Variants in MRC1 observed in about 807,000 individuals in gnomAD.
The protein encoded by MRC1 is mannose receptor C-type 1, also known as macrophage mannose receptor 1.
In MRC1, 62 loss-of-function variants were observed where a neutral mutation model predicts 102.9. That is an observed-to-expected ratio of 0.60 (90% CI 0.49 to 0.74). MRC1 has a LOEUF of 0.74. MRC1 is among the 30% of genes least tolerant of loss of function. The probability of loss-of-function intolerance (pLI) is 0.00; values close to 1 mark genes in which losing one functional copy is unlikely to be tolerated. For missense variants in MRC1, 1,237 were observed against 862.8 expected, an observed-to-expected ratio of 1.43 and a Z score of -5.43; for synonymous variants, 457 against 298.4, an observed-to-expected ratio of 1.53 and a Z score of -5.48.
At chr10:17,850,802 A>G (rs1383390932) in intron 7 of MRC1, among the ~76,000 whole-genome samples, 3 of 152,120 alleles carry the variant, frequency 2.0e-5, no homozygotes, top group Admixed American at 2.0e-4. Context: ...TAACAAATAG[A>G]TGAGAAACAA....
intron 12 of MRC1, among the ~76,000 whole-genome samples, chr10:17,869,293 G>A (rs1397824415): frequency 2.0e-5 from 3 of 152,110 alleles, no homozygotes; most frequent in African/African-American, 7.2e-5. Context: ...GCAAGTTGAG[G>A]CATCATAGGA....
rs1833622582 is a variant in MRC1, at chr10:17,887,886, T to G, written c.3147+2451T>G. 3.9e-5 allele frequency among the ~76,000 whole-genome samples: 6 copies of G among 152,330 alleles called. No individual in the cohort carries two copies. In the South Asian group the frequency reaches 1.0e-3, roughly 26 times the overall value. On this transcript the variant is annotated intron_variant, in intron 22 of 29. Coordinates refer to ENST00000569591, the MANE Select transcript of MRC1 (RefSeq NM_002438.4). ...GGTGCAATCTCGGCTCACTGCAACT[T>G]CCACCTCCCGGGTTCACGTGATTCT...
At chr10:17,903,710 CTTG>C (rs1203127334) in intron 26 of MRC1, among the ~76,000 whole-genome samples, 6 of 151,916 alleles carry the variant, frequency 3.9e-5, no homozygotes, top group African/African-American at 1.2e-4. Context: ...TTTTAATTTT[CTTG>C]TTGTTTCTTT....
At chr10:17,891,593 C>T (rs2130705906) in intron 22 of MRC1, among the ~76,000 whole-genome samples, 1 of 152,334 alleles carries the variant, frequency 6.6e-6, no homozygotes, top group Non-Finnish European at 1.5e-5. Context: ...TTCCATGAAA[C>T]TGGTCCCTGG....
intron 28 of MRC1, among the ~76,000 whole-genome samples, chr10:17,908,042 G>A (rs937687647): frequency 6.6e-6 from 1 of 152,324 alleles, no homozygotes; most frequent in Middle Eastern, 3.4e-3. Flanking sequence ...GCCCAAACCT[G>A]AGGAGACCAG....
chr10:17,818,395 G>A (rs1400677328), intron 1 of MRC1, among the ~76,000 whole-genome samples: 1 of 152,190 alleles, frequency 6.6e-6, no homozygotes, highest in East Asian at 1.9e-4. Flanking sequence ...TTACATTCCA[G>A]TAGGGGACTA....
At chr10:17,811,135 A>G (rs1838214874) in intron 1 of MRC1, among the ~76,000 whole-genome samples, 1 of 152,232 alleles carries the variant, frequency 6.6e-6, no homozygotes, top group Non-Finnish European at 1.5e-5. Flanking sequence ...TAACTCGGAA[A>G]TATTATCCCT....
intron 21 of MRC1, 27 bp downstream of exon 21, chr10:17,881,208 G>T (rs1833511101): frequency 1.3e-6 from 1 of 777,932 alleles, no homozygotes. Context: ...GCAATTAGTT[G>T]TGTGTTTAAA....
chr10:17,846,437 A>G (rs1193598917), intron 6 of MRC1, among the ~76,000 whole-genome samples: 2 of 152,136 alleles, frequency 1.3e-5, no homozygotes, highest in Non-Finnish European at 2.9e-5. Context: ...ACAATGTGGC[A>G]TTCTTGTTTT....
intron 23 of MRC1, among the ~76,000 whole-genome samples, chr10:17,896,928 G>C (rs1190269154): frequency 6.6e-6 from 1 of 152,206 alleles, no homozygotes; most frequent in East Asian, 1.9e-4. Context: ...CCCTAGACCA[G>C]AGTAAAGAAC....
chr10:17,893,541 C>T (rs1409657206), intron 22 of MRC1, among the ~76,000 whole-genome samples: 1 of 152,058 alleles, frequency 6.6e-6, no homozygotes, highest in South Asian at 2.1e-4. Flanking sequence ...GCATGTGTTT[C>T]TCTTACCTCT....
At chr10:17,858,401 C>A (rs999261786) in intron 9 of MRC1, among the ~76,000 whole-genome samples, 1 of 152,084 alleles carries the variant, frequency 6.6e-6, no homozygotes, top group Non-Finnish European at 1.5e-5. Context: ...TGGGTGAATG[C>A]CGAGTACCTA....
intron 27 of MRC1, 77 bp from the exon 28 acceptor site, chr10:17,907,457 T>A: frequency 1.3e-6 from 1 of 777,008 alleles, no homozygotes; most frequent in Non-Finnish European, 2.4e-6. Flanking sequence ...CTTAGAAATT[T>A]CACATAAATT....
intron 1 of MRC1, among the ~76,000 whole-genome samples, chr10:17,811,902 T>A (rs1192085405): frequency 2.6e-5 from 4 of 152,166 alleles, no homozygotes; most frequent in African/African-American, 9.7e-5. Context: ...TTTTATTTTA[T>A]CTTTTCTTGG....
chr10:17,882,251 T>C (rs1385648652), intron 21 of MRC1, among the ~76,000 whole-genome samples: 1 of 152,114 alleles, frequency 6.6e-6, no homozygotes, highest in East Asian at 1.9e-4. Flanking sequence ...CCTCAAGTTA[T>C]ACAGCTTGGA....
intron 1 of MRC1, among the ~76,000 whole-genome samples, chr10:17,817,175 G>C (rs1353229996): frequency 6.6e-6 from 1 of 150,922 alleles, no homozygotes; most frequent in Non-Finnish European, 1.5e-5. Context: ...GCTTGAACCT[G>C]GGAGGCGGAG....
intron 1 of MRC1, among the ~76,000 whole-genome samples, chr10:17,819,289 C>T (rs994923573): frequency 4.6e-5 from 7 of 152,094 alleles, no homozygotes; most frequent in Non-Finnish European, 8.8e-5. Flanking sequence ...AAGTCAGGCC[C>T]GGCTCCTCCC....
rs1260136778 is a variant in MRC1, at chr10:17,885,535, C to T, written c.3147+100C>T. On this transcript the variant is annotated intron_variant, in intron 22 of 29. Coordinates refer to ENST00000569591, the MANE Select transcript of MRC1 (RefSeq NM_002438.4). The stretch of plus-strand genomic sequence containing the variant: ...CCATGAAAGAATCTACCAGAATACT[C>T]CTTGATCTGTTCTATGCTTGCAGAT... 4.1e-6 allele frequency: 3 copies of T among 735,164 alleles called. No individual in the cohort carries two copies. In the African/African-American group the frequency reaches 5.2e-5, roughly 13 times the overall value. 45.5% of individuals were successfully genotyped at this position (735,164 alleles called of 1,614,324 possible).
chr10:17,866,005 A>C (rs966321256), intron 11 of MRC1, among the ~76,000 whole-genome samples: 3 of 152,242 alleles, frequency 2.0e-5, no homozygotes, highest in African/African-American at 7.2e-5. Context: ...AGCTCAGTGC[A>C]TCCTCATTTT....
Sources: gnomAD v4.1 joint callset for allele counts (sites outside exome capture counted in the v4.1 genomes callset) on GRCh38, gnomAD v4.1.1 for gene constraint, MANE v1.5 for transcripts, NCBI Gene and HGNC (gene_info 2026-07-23, HGNC 2026-07-21) for gene names.